Variants in PHEX observed in about 807,000 individuals in gnomAD.
PHEX encodes the protein phosphate regulating endopeptidase X-linked.
In PHEX, 16 loss-of-function variants were observed where a neutral mutation model predicts 68.0. That is an observed-to-expected ratio of 0.24 (90% CI 0.16 to 0.36). PHEX has a LOEUF of 0.36. PHEX is among the 10% of genes least tolerant of loss of function. The probability of loss-of-function intolerance (pLI) is 1.00; values close to 1 mark genes in which losing one functional copy is unlikely to be tolerated. For missense variants in PHEX, 480 were observed against 575.5 expected (o/e 0.83, Z 1.70); for synonymous variants, 208 against 205.1 (o/e 1.01, Z -0.12).
At chrX:22,035,318 A>C (rs987752613) in intron 1 of PHEX, among the ~76,000 whole-genome samples, 1 of 111,177 alleles carries the variant, frequency 9.0e-6, no homozygotes, top group Non-Finnish European at 1.9e-5. Context: ...TTTCCTCCCC[A>C]CAATCTGTTT....
chrX:22,245,462 C>T, intron 21 of PHEX, 53 bp downstream of exon 21: 1 of 813,174 alleles, frequency 1.2e-6, no homozygotes, highest in Non-Finnish European at 1.9e-6. Context: ...TCCCCCCTTC[C>T]TCCCCCACCC....
Position 22,249,455 on chromosome X carries a change from A to AAAATATATATATATATAT in PHEX, c.*1503_*1504insAATATATATATATATATA. 6.8e-4 allele frequency: 27 copies of AAAATATATATATATATAT among 39,742 alleles called. No homozygotes were observed. Among genetic ancestry groups the AAAATATATATATATATAT allele is most frequent in the Middle Eastern group, 0.018 (1 of 55 alleles). The allele number at this position is 39,742 out of a possible 1,213,427, so 3.3% of individuals were successfully genotyped here. On this transcript the variant is annotated 3_prime_UTR_variant, in exon 22 of 22. Transcript: ENST00000379374. ...TTGTGATTCTTTTAAAAAAAAAAAA[A>AAAATATATATATATATAT]ATATATATATATATATATATATATA...
At chrX:22,178,022 T>G (rs1933762648) in intron 13 of PHEX, among the ~76,000 whole-genome samples, 1 of 112,334 alleles carries the variant, frequency 8.9e-6, no homozygotes, top group Non-Finnish European at 1.9e-5. Context: ...TGTAAATGAC[T>G]GCAGCTTCTC....
intron 20 of PHEX, among the ~76,000 whole-genome samples, chrX:22,239,151 A>C (rs1936092746): frequency 8.9e-6 from 1 of 112,069 alleles, no homozygotes; most frequent in Non-Finnish European, 1.9e-5. Context: ...CTGAGTTAGA[A>C]GGAAAACTGA....
rs1365010493 is a variant in PHEX, at chrX:22,047,106, C to T, written c.244C>T (p.Arg82Trp). The change falls in exon 3 of 22, where the codon CGG (arginine) becomes TGG (tryptophan). Residue 82 changes from arginine to tryptophan, a missense_variant. Coordinates refer to ENST00000379374, the MANE Select transcript of PHEX (RefSeq NM_000444.6). ...LSVDPCDNFF[R>W]FACDGWISNN... is the part of the protein sequence containing the mutation. The stretch of plus-strand genomic sequence containing the variant: ...TGTGGATCCTTGTGATAATTTCTTC[C>T]GGTTCGCTTGTGATGGCTGGATAAG... 1.5e-5 allele frequency: 18 copies of T among 1,205,065 alleles called. No homozygotes were observed. The highest frequency in any genetic ancestry group is 6.6e-5 in the Admixed American group (3 of 45,668).
intron 19 of PHEX, 79 bp from the exon 20 acceptor site, chrX:22,227,428 A>G: frequency 1.5e-6 from 1 of 658,727 alleles, no homozygotes; most frequent in Non-Finnish European, 2.5e-6. Context: ...AGGAGTATAT[A>G]TTTGCTATTC....
intron 8 of PHEX, chrX:22,097,814 C>G: frequency 2.3e-6 from 1 of 433,917 alleles, no homozygotes; most frequent in Middle Eastern, 1.4e-3. Context: ...GTCATCCAGG[C>G]TGGGGTGCAG....
chrX:22,167,602 C>T (rs1933376950), intron 12 of PHEX, among the ~76,000 whole-genome samples: 1 of 106,887 alleles, frequency 9.4e-6, no homozygotes, highest in Non-Finnish European at 1.9e-5. Flanking sequence ...AGTGATCCTC[C>T]TGCCTCAACC....
intron 12 of PHEX, among the ~76,000 whole-genome samples, chrX:22,145,423 C>T (rs1932649985): frequency 1.8e-5 from 2 of 111,469 alleles, no homozygotes; most frequent in African/African-American, 6.5e-5. Flanking sequence ...CCAGACCAGC[C>T]TGGCCGACAT....
intron 3 of PHEX, among the ~76,000 whole-genome samples, chrX:22,050,539 C>A (rs943764177): frequency 1.9e-5 from 2 of 102,634 alleles, no homozygotes; most frequent in Admixed American, 1.1e-4. Context: ...CCACTGCACT[C>A]CAGTCTGGGC....
At chrX:22,049,724 C>G (rs1269947858) in intron 3 of PHEX, among the ~76,000 whole-genome samples, 8 of 109,997 alleles carry the variant, frequency 7.3e-5, no homozygotes, top group African/African-American at 2.6e-4. Context: ...AAAAATTAGC[C>G]AGGCATGGTG....
intron 13 of PHEX, among the ~76,000 whole-genome samples, chrX:22,177,409 G>C (rs773482446): frequency 1.0e-3 from 112 of 111,203 alleles, no homozygotes; most frequent in Non-Finnish European, 1.8e-3. Flanking sequence ...AAGCATTGGA[G>C]GTCACTACAA....
At chrX:22,161,192 T>C (rs1049492477) in intron 12 of PHEX, among the ~76,000 whole-genome samples, 43 of 112,591 alleles carry the variant, frequency 3.8e-4, no homozygotes, top group Non-Finnish European at 6.8e-4. Flanking sequence ...CCAGAATGTT[T>C]TATATGTTCT....
At chrX:22,219,519 A>T (rs1406063056) in intron 17 of PHEX, among the ~76,000 whole-genome samples, 1 of 112,124 alleles carries the variant, frequency 8.9e-6, no homozygotes, top group African/African-American at 3.2e-5. Context: ...TTGAGTTAGG[A>T]CTCTGGAGCT....
At chrX:22,244,954 A>G (rs1386094451) in intron 20 of PHEX, among the ~76,000 whole-genome samples, 3 of 111,820 alleles carry the variant, frequency 2.7e-5, no homozygotes, top group African/African-American at 9.8e-5. Flanking sequence ...ACCATCCTCA[A>G]TAATGGGTGG....
At position 22,248,749 on chromosome X, in the gene PHEX, C is replaced by T. The variant is rs1936464217; in HGVS notation, c.*796C>T. 1 of 111,918 alleles carries T rather than the reference C, an allele frequency of 8.9e-6. No individual in the cohort carries two copies. Among genetic ancestry groups the T allele is most frequent in the African/African-American group, 3.3e-5 (1 of 30,764 alleles). The allele number at this position is 111,918 out of a possible 1,213,427, so 9.2% of individuals were successfully genotyped here. On this transcript the variant is annotated 3_prime_UTR_variant, in exon 22 of 22. Coordinates refer to ENST00000379374, the MANE Select transcript of PHEX (RefSeq NM_000444.6). ...CAGGGAAACTAGGAGATGAAATCTC[C>T]AAAATTTTGTCCAGTCTGTATGAAC... is the stretch of plus-strand genomic sequence containing the variant.
chrX:22,125,058 G>T (rs150778106), intron 11 of PHEX, among the ~76,000 whole-genome samples: 7,590 of 111,009 alleles, frequency 0.068, 626 homozygotes, highest in African/African-American at 0.23. Context: ...CAATCCAAGG[G>T]CATTTTTATA....
At chrX:22,073,173 T>G (rs1928982044) in intron 3 of PHEX, among the ~76,000 whole-genome samples, 1 of 112,105 alleles carries the variant, frequency 8.9e-6, no homozygotes, top group Non-Finnish European at 1.9e-5. Context: ...AACACAGTTA[T>G]GGAGGAAGCA....
chrX:22,082,677 T>C (rs1050641399), intron 5 of PHEX, among the ~76,000 whole-genome samples: 1 of 112,572 alleles, frequency 8.9e-6, no homozygotes, highest in Non-Finnish European at 1.9e-5. Context: ...ATTCTGTTGA[T>C]AGCTTCTTTT....
Sources: allele counts gnomAD v4.1 joint callset (sites outside exome capture counted in the v4.1 genomes callset), GRCh38; gene constraint gnomAD v4.1.1; transcripts MANE v1.5; gene names NCBI Gene and HGNC (gene_info 2026-07-23, HGNC 2026-07-21).